The following FRMD6 variants were observed in gnomAD, a reference collection of about 807,000 sequenced individuals.
FRMD6 encodes FERM domain containing 6, also known as FERM domain-containing protein 6.
Under a neutral mutation model 73.2 loss-of-function variants are expected in FRMD6, and 37 were observed. The ratio of observed to expected loss-of-function variants is 0.51; its 90% CI spans 0.39 to 0.66. The LOEUF (loss-of-function observed/expected upper bound fraction) is 0.66. Ranked by LOEUF, FRMD6 falls within the 30% of genes least tolerant of loss-of-function variation. The pLI, the probability that FRMD6 is intolerant of heterozygous loss-of-function variation, is 0.00. For missense variants in FRMD6, 714 were observed against 780.5 expected (o/e 0.91, Z 1.02); for synonymous variants, 273 against 282.2 (o/e 0.97, Z 0.33).
At chr14:51,444,829 T>C in the FRMD6 span, among the ~76,000 whole-genome samples, 3 of 152,154 alleles carry the variant, frequency 2.0e-5, no homozygotes, top group African/African-American at 4.8e-5. Flanking sequence ...TTGTTGTCGA[T>C]GTTGGTGTCT....
chr14:51,530,733 T>G (rs113914910), intron 1 of FRMD6, among the ~76,000 whole-genome samples: 8,518 of 152,166 alleles, frequency 0.056, 301 homozygotes, highest in South Asian at 0.13. Flanking sequence ...GTGGTTCACC[T>G]GCTTCAGCCT....
At chr14:51,415,323 A>G in the FRMD6 span, among the ~76,000 whole-genome samples, 2 of 152,218 alleles carry the variant, frequency 1.3e-5, no homozygotes, top group Non-Finnish European at 2.9e-5. Flanking sequence ...ATTTTGAGGT[A>G]GGTTCCATCA....
the FRMD6 span, among the ~76,000 whole-genome samples, chr14:51,426,898 C>T: frequency 1.5e-3 from 223 of 152,280 alleles, 1 homozygote; most frequent in African/African-American, 5.2e-3. Context: ...CACCCCACTG[C>T]ATTAGCTTAG....
chr14:51,665,252 TG>T (rs1893497917), intron 1 of FRMD6, among the ~76,000 whole-genome samples: 1 of 152,176 alleles, frequency 6.6e-6, no homozygotes, highest in South Asian at 2.1e-4. Flanking sequence ...TTATACGGGG[TG>T]TGTGCTCTGT....
chr14:51,635,162 C>G (rs2139998347), intron 2 of FRMD6, among the ~76,000 whole-genome samples: 1 of 152,260 alleles, frequency 6.6e-6, no homozygotes, highest in Middle Eastern at 3.4e-3. Flanking sequence ...GTACAGAGGT[C>G]AGTTGAGGCC....
At chr14:51,533,494 T>G (rs1885708710) in intron 1 of FRMD6, among the ~76,000 whole-genome samples, 1 of 152,166 alleles carries the variant, frequency 6.6e-6, no homozygotes, top group Non-Finnish European at 1.5e-5. Context: ...GTCTAATGCA[T>G]AGAGATTACG....
chr14:51,602,644 T>C (rs1890084804), intron 2 of FRMD6, among the ~76,000 whole-genome samples: 1 of 152,198 alleles, frequency 6.6e-6, no homozygotes, highest in Non-Finnish European at 1.5e-5. Context: ...AGAGACTGTA[T>C]GGCCCAAAAA....
chr14:51,526,145 T>C (rs1216045936), intron 1 of FRMD6, among the ~76,000 whole-genome samples: 3 of 152,154 alleles, frequency 2.0e-5, no homozygotes, highest in Non-Finnish European at 1.5e-5. Flanking sequence ...GGGACTATGC[T>C]CTGTAGCCTG....
At chr14:51,428,968 GTGAGAGACAGA>G in the FRMD6 span, among the ~76,000 whole-genome samples, 1 of 147,120 alleles carries the variant, frequency 6.8e-6, no homozygotes, top group Non-Finnish European at 1.5e-5. Flanking sequence ...GAGAGAGAGG[GTGAGAGACAGA>G]GGGGAGAGAG....
chr14:51,426,645 AAGT>A, the FRMD6 span, among the ~76,000 whole-genome samples: 4 of 152,184 alleles, frequency 2.6e-5, no homozygotes, highest in Non-Finnish European at 5.9e-5. Context: ...CAGCTACACT[AAGT>A]AGGATAAGAG....
chr14:51,446,726 G>T, the FRMD6 span, among the ~76,000 whole-genome samples: 1 of 152,190 alleles, frequency 6.6e-6, no homozygotes, highest in African/African-American at 2.4e-5. Flanking sequence ...GAAGTTTACA[G>T]TGCAGTGAAA....
intron 2 of FRMD6, among the ~76,000 whole-genome samples, chr14:51,691,517 A>G (rs1324922665): frequency 6.6e-6 from 1 of 151,210 alleles, no homozygotes; most frequent in Non-Finnish European, 1.5e-5. Context: ...AGAGGAAAAA[A>G]TTGCCTTAGT....
intron 1 of FRMD6, among the ~76,000 whole-genome samples, chr14:51,549,595 CTTT>C (rs35356416): frequency 4.2e-4 from 41 of 98,014 alleles, no homozygotes; most frequent in African/African-American, 1.6e-3. Context: ...TTTTTTCTTT[CTTT>C]TTTTTTTTTT....
chr14:51,668,936 T>C (rs1309256720), intron 1 of FRMD6, among the ~76,000 whole-genome samples: 1 of 152,228 alleles, frequency 6.6e-6, no homozygotes, highest in East Asian at 1.9e-4. Flanking sequence ...CCCAAAGTGC[T>C]GGGATTACAG....
the FRMD6 span, among the ~76,000 whole-genome samples, chr14:51,429,038 A>AGAGGGG: frequency 1.6e-4 from 21 of 133,270 alleles, 3 homozygotes; most frequent in Admixed American, 4.6e-4. Flanking sequence ...GAGGGGAGAG[A>AGAGGGG]AAAGAAAAGG....
chr14:51,417,320 C>T, the FRMD6 span, among the ~76,000 whole-genome samples: 1 of 152,114 alleles, frequency 6.6e-6, no homozygotes, highest in Non-Finnish European at 1.5e-5. Context: ...TTAGTGCTTC[C>T]TCAGGAGCTC....
chr14:51,695,922 G>A (rs1003967778), intron 2 of FRMD6, among the ~76,000 whole-genome samples: 6 of 152,074 alleles, frequency 3.9e-5, no homozygotes, highest in South Asian at 2.1e-4. Flanking sequence ...GGATCTTGGC[G>A]TGTCTTTATT....
the FRMD6 span, among the ~76,000 whole-genome samples, chr14:51,414,954 T>G: frequency 6.6e-6 from 1 of 152,204 alleles, no homozygotes; most frequent in Admixed American, 6.5e-5. Context: ...TCTCTGTTTG[T>G]CTGTTATTGG....
intron 2 of FRMD6, among the ~76,000 whole-genome samples, chr14:51,642,351 C>T (rs1891850923): frequency 6.6e-6 from 1 of 152,100 alleles, no homozygotes; most frequent in African/African-American, 2.4e-5. Flanking sequence ...ACCAGCCTGG[C>T]CAACATTGTG....
Sources: allele counts gnomAD v4.1 joint callset (sites outside exome capture counted in the v4.1 genomes callset), GRCh38; gene constraint gnomAD v4.1.1; transcripts MANE v1.5; gene names NCBI Gene and HGNC (gene_info 2026-07-23, HGNC 2026-07-21).